The following ERBB4 variants were observed in gnomAD, a reference collection of about 807,000 sequenced individuals.
The protein encoded by ERBB4 is erb-b2 receptor tyrosine kinase 4.
In ERBB4, 42 loss-of-function variants were observed where a neutral mutation model predicts 158.0. The ratio of observed to expected loss-of-function variants is 0.27; its 90% CI spans 0.21 to 0.34. The LOEUF is 0.34. Ranked by LOEUF, ERBB4 falls within the 10% of genes least tolerant of loss-of-function variation. ERBB4 has a pLI of 1.00. For missense variants in ERBB4, 1,333 were observed against 1,624.1 expected (o/e 0.82, Z 3.08); for synonymous variants, 583 against 558.7 (o/e 1.04, Z -0.61).
chr2:211,858,209 A>T lies in ERBB4; in HGVS notation c.422-70050T>A, dbSNP rs2077921037. Among the ~76,000 whole-genome samples, 4 of 152,198 alleles carry T rather than the reference A, an allele frequency of 2.6e-5. No homozygotes were observed. In the South Asian group the frequency reaches 8.3e-4, roughly 32 times the overall value. Reference sequence around the variant, plus strand: ...CAGAGTGCACAGTGATACTGAGACCAAGAGATGGAGGTTTCAAAAGGCCTG... The same window carrying T: ...CAGAGTGCACAGTGATACTGAGACCTAGAGATGGAGGTTTCAAAAGGCCTG... On this transcript the variant is annotated intron_variant, in intron 3 of 27. Transcript: ENST00000342788.
rs58919262 is a variant in ERBB4, at chr2:211,580,787, G to GATATATAT, written c.2302-18707_2302-18700dup. On this transcript the variant is annotated intron_variant, in intron 19 of 27. Transcript: ENST00000342788. ...ATCAACGGGTAGATAAAGAAATTGT[G>GATATATAT]ATATATATATATATATATATATATA... Among the ~76,000 whole-genome samples, 34 of 67,718 alleles carry GATATATAT rather than the reference G, an allele frequency of 5.0e-4. 3 individuals carry two copies. The highest frequency in any genetic ancestry group is 1.0e-4 in the African/African-American group (2 of 19,472). The allele number at this position is 67,718 out of a possible 152,430, so 44.4% of individuals were successfully genotyped here. A position where few individuals can be genotyped will look rare whatever the true frequency, so the allele number is the denominator to read the frequency against.
intron 1 of ERBB4, among the ~76,000 whole-genome samples, chr2:212,400,633 T>A (rs2091175797): frequency 1.3e-5 from 2 of 152,150 alleles, no homozygotes; most frequent in South Asian, 4.1e-4. Context: ...TATTTTAGTA[T>A]ACATTAACAA....
intron 5 of ERBB4, among the ~76,000 whole-genome samples, chr2:211,728,928 T>C (rs1225774222): frequency 2.0e-5 from 3 of 151,798 alleles, no homozygotes; most frequent in Non-Finnish European, 3.0e-5. Flanking sequence ...CTGAATGTAG[T>C]TTAAAATTAT....
intron 22 of ERBB4, among the ~76,000 whole-genome samples, chr2:211,425,420 T>C (rs923032665): frequency 2.6e-5 from 4 of 151,996 alleles, no homozygotes; most frequent in African/African-American, 9.7e-5. Flanking sequence ...ACCTGATTTT[T>C]TTGGTTAATA....
rs1051902457 is a variant in ERBB4 at position 212,372,137 on chromosome 2, C to T, written c.82+166312G>A. On this transcript the variant is annotated intron_variant, in intron 1 of 27. Transcript: ENST00000342788. ...TCCTCCACCAACCAGTCCTGAATCTCGTAGCCCCCTTTTCCTTACTTAATC... is the reference window on the plus strand; with the variant it reads ...TCCTCCACCAACCAGTCCTGAATCTTGTAGCCCCCTTTTCCTTACTTAATC... 5.3e-5 allele frequency among the ~76,000 whole-genome samples: 8 copies of T among 152,158 alleles called. No individual in the cohort carries two copies. In the East Asian group the frequency reaches 1.4e-3, roughly 26 times the overall value.
At chr2:211,941,257 AT>A (rs34846131) in intron 3 of ERBB4, among the ~76,000 whole-genome samples, 31,307 of 143,470 alleles carry the variant, frequency 0.22, 4,452 homozygotes, top group African/African-American at 0.43. Flanking sequence ...GTACTCTTAG[AT>A]TTTTTTTTTT....
intron 2 of ERBB4, among the ~76,000 whole-genome samples, chr2:212,000,260 C>T (rs1193712557): frequency 6.6e-6 from 1 of 151,836 alleles, no homozygotes; most frequent in Non-Finnish European, 1.5e-5. Flanking sequence ...AGAGTTATTA[C>T]ATTTACCCTG....
intron 1 of ERBB4, among the ~76,000 whole-genome samples, chr2:212,407,649 A>C (rs1179628357): frequency 6.6e-6 from 1 of 152,132 alleles, no homozygotes; most frequent in Non-Finnish European, 1.5e-5. Flanking sequence ...GTATATATGC[A>C]TTTACTTGGG....
At chr2:211,730,785 G>A (rs964121957) in intron 5 of ERBB4, among the ~76,000 whole-genome samples, 4 of 151,842 alleles carry the variant, frequency 2.6e-5, no homozygotes, top group African/African-American at 9.7e-5. Context: ...AATCAAAATC[G>A]CTGGCAATTT....
intron 16 of ERBB4, among the ~76,000 whole-genome samples, chr2:211,647,900 C>G (rs1227324261): frequency 6.6e-6 from 1 of 151,656 alleles, no homozygotes; most frequent in Admixed American, 6.6e-5. Flanking sequence ...CTGATTTCCT[C>G]CTACCTCCAT....
At chr2:212,081,242 C>T (rs1263110155) in intron 2 of ERBB4, among the ~76,000 whole-genome samples, 1 of 152,074 alleles carries the variant, frequency 6.6e-6, no homozygotes, top group African/African-American at 2.4e-5. Context: ...AGTGATCAAC[C>T]AAACTGCAGT....
At chr2:212,275,847 C>T (rs149717086) in intron 1 of ERBB4, among the ~76,000 whole-genome samples, 6,506 of 151,830 alleles carry the variant, frequency 0.043, 206 homozygotes, top group South Asian at 0.15. Context: ...TAAATTTAAA[C>T]GGGCTAAATG....
At chr2:211,535,283 C>T (rs748874673) in intron 20 of ERBB4, among the ~76,000 whole-genome samples, 5 of 151,982 alleles carry the variant, frequency 3.3e-5, no homozygotes, top group South Asian at 2.1e-4. Flanking sequence ...ATAGGTAAGG[C>T]GTTCCTGGAA....
intron 19 of ERBB4, among the ~76,000 whole-genome samples, chr2:211,614,022 T>C (rs952107613): frequency 2.0e-5 from 3 of 152,068 alleles, no homozygotes; most frequent in African/African-American, 7.2e-5. Context: ...GCAACCTAAG[T>C]GTCCATCAAC....
At chr2:212,088,198 G>T (rs2078672121) in intron 2 of ERBB4, among the ~76,000 whole-genome samples, 1 of 152,062 alleles carries the variant, frequency 6.6e-6, no homozygotes, top group Non-Finnish European at 1.5e-5. Flanking sequence ...GGCAAATCGA[G>T]CAGTAACATC....
chr2:212,206,275 G>A (rs1157357019), intron 1 of ERBB4, among the ~76,000 whole-genome samples: 1 of 152,100 alleles, frequency 6.6e-6, no homozygotes, highest in African/African-American at 2.4e-5. Context: ...GTCAAATCAT[G>A]TTTGAAAAAG....
In ERBB4 at chr2:211,901,604, C is replaced by A. The variant is rs973560735; in HGVS notation, c.421+45826G>T. Among the ~76,000 whole-genome samples, 12 of 152,140 alleles carry A rather than the reference C, an allele frequency of 7.9e-5. 1 individual carries two copies. The highest frequency in any genetic ancestry group is 7.2e-4 in the Admixed American group (11 of 15,252). On this transcript the variant is annotated intron_variant, in intron 3 of 27. Transcript: ENST00000342788. ...CCTCACCACTTGCACATGTTTATCC[C>A]ATCTCAAGATGTTATCTGTGGTGTT... is the stretch of plus-strand genomic sequence containing the variant.
chr2:211,745,962 T>C (rs1397315965), intron 5 of ERBB4, among the ~76,000 whole-genome samples: 2 of 152,222 alleles, frequency 1.3e-5, no homozygotes, highest in East Asian at 1.9e-4. Context: ...AATCCAGGTA[T>C]TAGCTGTGTA....
intron 3 of ERBB4, among the ~76,000 whole-genome samples, chr2:211,802,220 C>T (rs1372276273): frequency 6.6e-6 from 1 of 151,736 alleles, no homozygotes; most frequent in Non-Finnish European, 1.5e-5. Context: ...GATAGCGCCG[C>T]TGCAGTACGG....
Sources: gnomAD v4.1 joint callset for allele counts (sites outside exome capture counted in the v4.1 genomes callset) on GRCh38, gnomAD v4.1.1 for gene constraint, MANE v1.5 for transcripts, NCBI Gene and HGNC (gene_info 2026-07-23, HGNC 2026-07-21) for gene names.